Variants in WWC2 observed in about 807,000 individuals in gnomAD.
The protein encoded by WWC2 is WW and C2 domain containing 2.
In WWC2, 101 loss-of-function variants were observed where a neutral mutation model predicts 138.5. That is an observed-to-expected ratio of 0.73 (90% CI 0.62 to 0.86). WWC2 has a LOEUF of 0.86. WWC2 is among the 40% of genes least tolerant of loss of function. The pLI, the probability that WWC2 is intolerant of heterozygous loss-of-function variation, is 0.00. For missense variants in WWC2, 1,420 were observed against 1,419.4 expected (o/e 1.00, Z -0.01); for synonymous variants, 558 against 538.4 (o/e 1.04, Z -0.50).
chr4:183,129,220 C>T (rs775993953), intron 1 of WWC2, among the ~76,000 whole-genome samples: 6 of 152,102 alleles, frequency 3.9e-5, no homozygotes, highest in Non-Finnish European at 5.9e-5. Flanking sequence ...GAAATTATGT[C>T]ACAGGAGGAA....
chr4:183,265,118 A>AGCAG lies in WWC2; in HGVS notation c.2039+13_2039+16dup. 1.9e-6 allele frequency: 3 copies of AGCAG among 1,597,082 alleles called. No individual in the cohort carries two copies. The highest frequency in any genetic ancestry group is 2.6e-6 in the Non-Finnish European group (3 of 1,171,732). On this transcript the variant is annotated intron_variant, in intron 12 of 22. Transcript: ENST00000403733. ...AGCTTTCGTGAAACAGTAAGGATTC[A>AGCAG]GCAGGGGCGCTTTTAGCTCCAGCGA...
chr4:183,260,182 CT>C (rs556257024), intron 10 of WWC2, among the ~76,000 whole-genome samples: 10 of 151,218 alleles, frequency 6.6e-5, no homozygotes, highest in East Asian at 3.9e-4. Flanking sequence ...AAATAAAAAG[CT>C]TTTTTTTTAA....
intron 1 of WWC2, among the ~76,000 whole-genome samples, chr4:183,118,201 T>G (rs1732487565): frequency 6.6e-6 from 1 of 152,358 alleles, no homozygotes; most frequent in Admixed American, 6.5e-5. Flanking sequence ...TGCTTTAAAC[T>G]ACTTAGATTT....
intron 4 of WWC2, among the ~76,000 whole-genome samples, chr4:183,238,874 G>A (rs1342549814): frequency 3.9e-5 from 6 of 152,096 alleles, no homozygotes; most frequent in African/African-American, 1.4e-4. Flanking sequence ...GATCCCTGAG[G>A]GCAGGGATCA....
intron 1 of WWC2, among the ~76,000 whole-genome samples, chr4:183,166,041 A>G (rs1203436551): frequency 6.6e-6 from 1 of 152,182 alleles, no homozygotes; most frequent in East Asian, 1.9e-4. Flanking sequence ...ATCTACCTGT[A>G]ATGTAATAAA....
intron 1 of WWC2, among the ~76,000 whole-genome samples, chr4:183,159,725 TTTTTA>T (rs1182107737): frequency 2.3e-5 from 3 of 131,318 alleles, no homozygotes; most frequent in Admixed American, 7.4e-5. Context: ...TTTTTTTTTT[TTTTTA>T]AAAAAAAAAA....
At chr4:183,190,090 G>T (rs1734949351) in intron 1 of WWC2, among the ~76,000 whole-genome samples, 1 of 152,156 alleles carries the variant, frequency 6.6e-6, no homozygotes, top group African/African-American at 2.4e-5. Context: ...TGGTGCAAAG[G>T]AAGACCTTTT....
At chr4:183,254,057 ATAC>A (rs1455172219) in intron 9 of WWC2, 58 bp downstream of exon 9, 41 of 1,569,132 alleles carry the variant, frequency 2.6e-5, no homozygotes. Context: ...TCTTAACTGG[ATAC>A]TATTTTCCCT....
At chr4:183,111,651 T>C (rs927526163) in intron 1 of WWC2, among the ~76,000 whole-genome samples, 4 of 152,098 alleles carry the variant, frequency 2.6e-5, no homozygotes, top group African/African-American at 4.8e-5. Context: ...ATCTGCTGCT[T>C]ATCAGTGTTT....
chr4:183,141,940 A>G (rs890892090), intron 1 of WWC2, among the ~76,000 whole-genome samples: 2 of 152,226 alleles, frequency 1.3e-5, no homozygotes, highest in African/African-American at 4.8e-5. Flanking sequence ...TGGCATATAG[A>G]CTATAGCAGG....
intron 1 of WWC2, among the ~76,000 whole-genome samples, chr4:183,156,245 C>T (rs1386136306): frequency 3.3e-5 from 5 of 151,720 alleles, no homozygotes; most frequent in African/African-American, 1.2e-4. Flanking sequence ...AGGTTGGTCT[C>T]GAACTCTTGA....
chr4:183,227,028 C>T (rs562424298), intron 4 of WWC2, among the ~76,000 whole-genome samples: 2 of 152,064 alleles, frequency 1.3e-5, no homozygotes, highest in South Asian at 4.1e-4. Context: ...CCAGCTGCAT[C>T]AAGTGGGGAC....
At chr4:183,248,960 A>G (rs1345892370) in intron 7 of WWC2, 100 bp downstream of exon 7, 1 of 1,212,834 alleles carries the variant, frequency 8.2e-7, no homozygotes, top group African/African-American at 1.5e-5. Flanking sequence ...TGTGACTTGG[A>G]TTCTGGCTGT....
At chr4:183,247,754 A>ATACT (rs1736844638) in intron 6 of WWC2, among the ~76,000 whole-genome samples, 2 of 140,550 alleles carry the variant, frequency 1.4e-5, no homozygotes, top group African/African-American at 5.3e-5. Context: ...TATACTACAT[A>ATACT]ATATATATAT....
chr4:183,311,061 A>T (rs1739197664), intron 21 of WWC2, among the ~76,000 whole-genome samples: 1 of 152,126 alleles, frequency 6.6e-6, no homozygotes. Flanking sequence ...ATGGAATTTG[A>T]CCCCAGGTTG....
At chr4:183,310,110 G>A (rs1739160843) in intron 21 of WWC2, among the ~76,000 whole-genome samples, 1 of 152,180 alleles carries the variant, frequency 6.6e-6, no homozygotes, top group Non-Finnish European at 1.5e-5. Flanking sequence ...AAACTCCTCT[G>A]TATGATATTG....
intron 1 of WWC2, among the ~76,000 whole-genome samples, chr4:183,105,878 G>C (rs1579940551): frequency 6.7e-6 from 1 of 150,256 alleles, no homozygotes; most frequent in Non-Finnish European, 1.5e-5. Context: ...TGACAGAACG[G>C]GACTCTGTCT....
chr4:183,146,433 C>G (rs981746185), intron 1 of WWC2, among the ~76,000 whole-genome samples: 1 of 152,176 alleles, frequency 6.6e-6, no homozygotes, highest in Non-Finnish European at 1.5e-5. Context: ...GTAAACAGAA[C>G]AGCTAGTTTT....
rs202150485 is a variant in WWC2, at chr4:183,217,588, A to T, written c.522+8563A>T. Among the ~76,000 whole-genome samples, 10 of 146,118 alleles carry T rather than the reference A, an allele frequency of 6.8e-5. No homozygotes were observed. In the East Asian group the frequency reaches 1.4e-3, roughly 20 times the overall value. On this transcript the variant is annotated intron_variant, in intron 4 of 22. Coordinates refer to ENST00000403733, the MANE Select transcript of WWC2 (RefSeq NM_024949.6). ...TGAAAATGGGGAGAAAAAATATATT[A>T]AAAAAAACAAAATGGAACTTCTACA...
Sources: gnomAD v4.1 joint callset for allele counts (sites outside exome capture counted in the v4.1 genomes callset) on GRCh38, gnomAD v4.1.1 for gene constraint, MANE v1.5 for transcripts, NCBI Gene and HGNC (gene_info 2026-07-23, HGNC 2026-07-21) for gene names.